The following DOCK1 variants were observed in gnomAD, a reference collection of about 807,000 sequenced individuals.
DOCK1 encodes the protein dedicator of cytokinesis protein 1.
A neutral mutation model predicts 262.7 loss-of-function variants in DOCK1; 138 were observed. The observed-to-expected ratio is 0.53, with a 90% CI of 0.46 to 0.61. The LOEUF (loss-of-function observed/expected upper bound fraction) is 0.61, where lower values mean the gene tolerates loss of function less well. Ranked by LOEUF, DOCK1 falls within the 20% of genes least tolerant of loss-of-function variation. The pLI, the probability that DOCK1 is intolerant of heterozygous loss-of-function variation, is 0.00. For synonymous variants in DOCK1, 866 were observed against 867.4 expected (o/e 1.00, Z 0.03); for missense variants, 1,908 against 2,370.7 (o/e 0.80, Z 4.05).
rs573442780 is a variant in DOCK1, at chr10:127,350,236, TA to T, written c.3225-4424del. Among the ~76,000 whole-genome samples the T allele has an allele frequency of 1.1e-4, 16 of 147,166 alleles. No homozygotes were observed. The East Asian group carries it at 2.2e-3, about 20-fold the overall frequency. ...TTATGTCAGAAAAGTTTATGAAACT[TA>T]AAAAAAAAGTGGCGGCAGCGGGGAC... On this transcript the variant is annotated intron_variant, in intron 31 of 51. Coordinates refer to ENST00000623213, the MANE Select transcript of DOCK1 (RefSeq NM_001290223.2).
intron 23 of DOCK1, among the ~76,000 whole-genome samples, chr10:127,093,970 T>G (rs1336108136): frequency 6.6e-6 from 1 of 151,918 alleles, no homozygotes; most frequent in Non-Finnish European, 1.5e-5. Flanking sequence ...GATGAGAGGG[T>G]GCCAAACTCT....
In DOCK1 at chr10:127,175,666, C is replaced by T; in HGVS notation, c.2847+47902C>T. 6.2e-7 allele frequency: 1 copy of T among 1,613,650 alleles called. No homozygotes were observed. Among genetic ancestry groups the T allele is most frequent in the South Asian group, 1.1e-5 (1 of 91,070 alleles). On this transcript the variant is annotated intron_variant, in intron 27 of 51. Coordinates refer to ENST00000623213, the MANE Select transcript of DOCK1 (RefSeq NM_001290223.2). The surrounding 1 kb of genome is among the most constrained non-coding windows in gnomAD (Gnocchi z 6.3). ...TCCGTTTTAAACACCCTCCTGAGGG[C>T]AGGTGGAGCGGGCTCCTCGGAGTTT...
chr10:127,020,074 A>G (rs990063291), intron 13 of DOCK1, among the ~76,000 whole-genome samples: 3 of 152,214 alleles, frequency 2.0e-5, no homozygotes, highest in African/African-American at 7.2e-5. Context: ...TCCATATGAA[A>G]GACATCTAAA....
chr10:126,959,979 T>G (rs2134516612), intron 1 of DOCK1, among the ~76,000 whole-genome samples: 1 of 151,702 alleles, frequency 6.6e-6, no homozygotes, highest in Non-Finnish European at 1.5e-5. Context: ...CCGGCTAATT[T>G]GTATTTGTAG....
chr10:127,435,557 A>G (rs1367335871), intron 48 of DOCK1, among the ~76,000 whole-genome samples: 1 of 152,070 alleles, frequency 6.6e-6, no homozygotes, highest in Non-Finnish European at 1.5e-5. Flanking sequence ...AAGATTGCTA[A>G]AGAAATTTAA....
At chr10:127,040,453 C>G (rs1194053292) in intron 19 of DOCK1, among the ~76,000 whole-genome samples, 2 of 152,292 alleles carry the variant, frequency 1.3e-5, no homozygotes, top group Non-Finnish European at 2.9e-5. Context: ...TGGGCGTCCT[C>G]TCTCCCAAAG....
chr10:126,930,946 C>T (rs2034140146), intron 1 of DOCK1, among the ~76,000 whole-genome samples: 1 of 152,048 alleles, frequency 6.6e-6, no homozygotes, highest in Non-Finnish European at 1.5e-5. Context: ...GGACGGACTC[C>T]CTGTCTCTTC....
chr10:127,231,308 C>T (rs957821790), intron 27 of DOCK1, among the ~76,000 whole-genome samples: 1 of 150,962 alleles, frequency 6.6e-6, no homozygotes, highest in Non-Finnish European at 1.5e-5. Context: ...TTTGAAAATA[C>T]GAATTCAGTA....
At chr10:126,956,384 A>G (rs1252777688) in intron 1 of DOCK1, among the ~76,000 whole-genome samples, 1 of 152,144 alleles carries the variant, frequency 6.6e-6, no homozygotes, top group African/African-American at 2.4e-5. Flanking sequence ...ACAGCCTACG[A>G]GCATCTACCC....
At chr10:127,193,248 T>C (rs1392781288) in intron 27 of DOCK1, among the ~76,000 whole-genome samples, 1 of 152,176 alleles carries the variant, frequency 6.6e-6, no homozygotes, top group East Asian at 1.9e-4. Flanking sequence ...AAAATGACGA[T>C]GACACTGGTT....
chr10:127,187,511 C>G lies in DOCK1; in HGVS notation c.2847+59747C>G, dbSNP rs550667761. On this transcript the variant is annotated intron_variant, in intron 27 of 51. Transcript: ENST00000623213. ...AGCATAGGTGTGGATGAAATGGAGT[C>G]TTTTAAAAGTTGTTTTGGTTTTTGT... 2.0e-4 allele frequency among the ~76,000 whole-genome samples: 30 copies of G among 152,242 alleles called. No individual in the cohort carries two copies. The South Asian group carries it at 3.5e-3, about 18-fold the overall frequency.
intron 27 of DOCK1, among the ~76,000 whole-genome samples, chr10:127,202,804 T>C (rs561669976): frequency 2.8e-4 from 42 of 152,322 alleles, no homozygotes; most frequent in Middle Eastern, 6.8e-3. Context: ...TCAGAGAACG[T>C]AAATGATCTC....
chr10:126,978,761 G>A (rs941437945), intron 3 of DOCK1, among the ~76,000 whole-genome samples: 8 of 152,152 alleles, frequency 5.3e-5, no homozygotes, highest in African/African-American at 1.9e-4. Flanking sequence ...TTACTTTTGT[G>A]TCCTAAATTT....
chr10:127,225,364 C>T (rs917424016), intron 27 of DOCK1, among the ~76,000 whole-genome samples: 3 of 152,354 alleles, frequency 2.0e-5, no homozygotes, highest in South Asian at 2.1e-4. Flanking sequence ...AAGCAAAGCA[C>T]GGAGGAGAGC....
chr10:126,978,042 G>C, intron 3 of DOCK1, 54 bp downstream of exon 3: 1 of 1,537,896 alleles, frequency 6.5e-7, no homozygotes, highest in Non-Finnish European at 9.0e-7. Flanking sequence ...CACACCTTGA[G>C]AGGAAATCAA....
chr10:127,127,497 A>T (rs1153016), intron 26 of DOCK1, among the ~76,000 whole-genome samples, 172 bp from the exon 27 acceptor site: 125,020 of 152,184 alleles, frequency 0.82, 52,049 homozygotes, highest in East Asian at 0.94. Flanking sequence ...ATTAATAAAA[A>T]CCCCTGAGTT....
intron 29 of DOCK1, among the ~76,000 whole-genome samples, chr10:127,306,752 T>C (rs2135468948): frequency 6.6e-6 from 1 of 152,262 alleles, no homozygotes; most frequent in Non-Finnish European, 1.5e-5. Flanking sequence ...AAAATTTATC[T>C]CTCTGTGATA....
intron 1 of DOCK1, among the ~76,000 whole-genome samples, chr10:126,951,283 A>G (rs2036205022): frequency 6.7e-6 from 1 of 149,074 alleles, no homozygotes; most frequent in African/African-American, 2.5e-5. Flanking sequence ...TATTGTTGGT[A>G]GTATTGGTAG....
chr10:127,234,992 TATATA>T (rs1406636305), intron 27 of DOCK1, among the ~76,000 whole-genome samples: 1 of 79,278 alleles, frequency 1.3e-5, no homozygotes, highest in Non-Finnish European at 3.1e-5. Context: ...ATTTTATACA[TATATA>T]ATAAATACAT....
Sources: allele counts gnomAD v4.1 joint callset (sites outside exome capture counted in the v4.1 genomes callset), GRCh38; gene constraint gnomAD v4.1.1; non-coding constraint Gnocchi (gnomAD v3.1); transcripts MANE v1.5; gene names NCBI Gene and HGNC (gene_info 2026-07-23, HGNC 2026-07-21).